SAMD4B: variants seen among roughly 807,000 people sequenced by gnomAD.
SAMD4B encodes the protein sterile alpha motif domain containing 4B.
SAMD4B carries 5 observed loss-of-function variants against 74.5 expected under a neutral mutation model. The ratio of observed to expected loss-of-function variants is 0.07; its 90% CI spans 0.04 to 0.14. The LOEUF (loss-of-function observed/expected upper bound fraction) is 0.14, where lower values mean the gene tolerates loss of function less well. SAMD4B is among the 10% of genes least tolerant of loss of function. The probability of loss-of-function intolerance (pLI) is 1.00; values close to 1 mark genes in which losing one functional copy is unlikely to be tolerated. For missense variants in SAMD4B, 608 were observed against 921.8 expected (o/e 0.66, Z 4.41); for synonymous variants, 373 against 374.9 (o/e 1.00, Z 0.06).
Position 39,383,430 on chromosome 19 carries a change from C to T in SAMD4B, c.2057-69C>T. On this transcript the variant is annotated intron_variant, in intron 13 of 13. Coordinates refer to ENST00000610417, the MANE Select transcript of SAMD4B (RefSeq NM_001384574.2). This position sits in a 1 kb window ranked among gnomAD's most constrained non-coding sequence, Gnocchi z 4.1. Reference sequence around the variant, plus strand: ...AGGGCCTGACTGGGATGACAGGCTACCTGAGTGCCTTTTCTTGGGCCTCCC... The same window carrying T: ...AGGGCCTGACTGGGATGACAGGCTATCTGAGTGCCTTTTCTTGGGCCTCCC... 3 of 1,584,850 alleles carry T rather than the reference C, an allele frequency of 1.9e-6. No homozygotes were observed. The South Asian group carries it at 3.3e-5, about 18-fold the overall frequency.
At chr19:39,368,074 C>T (rs1023030440) in intron 3 of SAMD4B, among the ~76,000 whole-genome samples, 1 of 151,736 alleles carries the variant, frequency 6.6e-6, no homozygotes, top group Middle Eastern at 3.2e-3. Flanking sequence ...ATAAGCTGGG[C>T]GTGGTGGTGG....
intron 3 of SAMD4B, among the ~76,000 whole-genome samples, chr19:39,365,748 A>G (rs2076924994): frequency 6.6e-6 from 1 of 152,260 alleles, no homozygotes; most frequent in Non-Finnish European, 1.5e-5. Context: ...CACATAGTAA[A>G]TGCTCAATAA....
rs567715573 is a variant in SAMD4B, at chr19:39,357,381, CT to C, written c.196+293del. On this transcript the variant is annotated intron_variant, in intron 3 of 13. Coordinates refer to ENST00000610417, the MANE Select transcript of SAMD4B (RefSeq NM_001384574.2). Reference sequence around the variant, plus strand: ...TATGTGGGCTGCTGAAAGGAACAGACTAAAGTCATTATGAAAGGCGTATAGA... The same window carrying C: ...TATGTGGGCTGCTGAAAGGAACAGACAAAGTCATTATGAAAGGCGTATAGA... Among the ~76,000 whole-genome samples, 6 of 152,238 alleles carry C rather than the reference CT, an allele frequency of 3.9e-5. No homozygotes were observed. The East Asian group carries it at 1.2e-3, about 29-fold the overall frequency.
At chr19:39,386,578 A>C (rs778288539), downstream of SAMD4B, 1 of 1,613,938 alleles carries the variant, frequency 6.2e-7, no homozygotes, top group South Asian at 1.1e-5. This position sits in a 1 kb window ranked among gnomAD's most constrained non-coding sequence, Gnocchi z 6.1. Context: ...GCCTCCTGGA[A>C]GCAGCAAGAT....
intron 4 of SAMD4B, among the ~76,000 whole-genome samples, chr19:39,374,579 C>T (rs1388706271): frequency 2.6e-5 from 4 of 152,196 alleles, no homozygotes; most frequent in African/African-American, 7.2e-5. Context: ...CAGTGGCTCA[C>T]GCCTGTAATC....
chr19:39,366,044 C>T lies in SAMD4B; in HGVS notation c.197-3611C>T, dbSNP rs914235625. Among the ~76,000 whole-genome samples the T allele has an allele frequency of 3.3e-5, 5 of 152,160 alleles. No homozygotes were observed. In the South Asian group the frequency reaches 6.2e-4, roughly 19 times the overall value. On this transcript the variant is annotated intron_variant, in intron 3 of 13. Transcript: ENST00000610417. ...AGTGAAAAAAGTAACAGGCAGGACA[C>T]GGTGGCTAACGCCTATAATCCCAGC...
rs58004162 is a variant in SAMD4B at position 39,345,424 on chromosome 19, C to A, written c.-267+2848C>A. 2.6e-3 allele frequency among the ~76,000 whole-genome samples: 394 copies of A among 152,276 alleles called. 2 individuals carry two copies. Among genetic ancestry groups the A allele is most frequent in the African/African-American group, 9.1e-3 (377 of 41,562 alleles). On this transcript the variant is annotated intron_variant, in intron 1 of 13. Transcript: ENST00000610417. ...CTCAGTGCTTTCTCTTTCTGGCTAC[C>A]CCTCCAGCCCACTACCAGCCTTTGG...
At chr19:39,368,841 C>T (rs1187219833) in intron 3 of SAMD4B, among the ~76,000 whole-genome samples, 1 of 152,142 alleles carries the variant, frequency 6.6e-6, no homozygotes, top group African/African-American at 2.4e-5. Flanking sequence ...ATTTAGTGCT[C>T]CATGAGGTTC....
At chr19:39,353,182 G>A (rs529592118) in intron 1 of SAMD4B, among the ~76,000 whole-genome samples, 7 of 152,300 alleles carry the variant, frequency 4.6e-5, no homozygotes, top group Admixed American at 1.3e-4. Context: ...TTTTAGGCGC[G>A]TGAGCTACCA....
Position 39,347,926 on chromosome 19 carries a change from T to TG in SAMD4B, c.-267+5356dup, listed in dbSNP as rs372104918. ...GAAATTCATGGAATTTATATTCTGA[T>TG]GGGGGGAGGAAACAAAAAAATCAGA... On this transcript the variant is annotated intron_variant, in intron 1 of 13. Coordinates refer to ENST00000610417, the MANE Select transcript of SAMD4B (RefSeq NM_001384574.2). Among the ~76,000 whole-genome samples the TG allele has an allele frequency of 9.5e-3, 1,448 of 152,086 alleles. 24 individuals carry two copies. The highest frequency in any genetic ancestry group is 0.032 in the African/African-American group (1,341 of 41,476).
At chr19:39,380,807 G>A (rs769106049) in intron 11 of SAMD4B, 22 bp downstream of exon 11, 7 of 1,519,720 alleles carry the variant, frequency 4.6e-6, no homozygotes, top group Admixed American at 2.2e-5. Flanking sequence ...GGAAGCAGGG[G>A]CCTGGCCTCC....
chr19:39,377,699 A>G lies in SAMD4B; in HGVS notation c.1319A>G (p.Asp440Gly). The change falls in exon 8 of 14, where the codon GAC (aspartate) becomes GGC (glycine). Residue 440 changes from aspartate to glycine, a missense_variant. Asp to Gly is a moderately conservative substitution (Grantham distance 94, BLOSUM62 -1). This residue lies in a region of SAMD4B where 99 missense variants were observed against 112.1 expected (regional missense o/e 0.88). Coordinates refer to ENST00000610417, the MANE Select transcript of SAMD4B (RefSeq NM_001384574.2). The part of the protein sequence containing the change: ...PGTDKGTEAK[D>G]PPAVENYPPP... ...ACAGACAAAGGCACCGAGGCCAAGGACCCTCCAGCTGTGGAGAACTACCCA... is the reference window on the plus strand; with the variant it reads ...ACAGACAAAGGCACCGAGGCCAAGGGCCCTCCAGCTGTGGAGAACTACCCA... The G allele has an allele frequency of 6.2e-7, 1 of 1,614,070 alleles. No homozygotes were observed. Among genetic ancestry groups the G allele is most frequent in the South Asian group, 1.1e-5 (1 of 91,082 alleles).
At chr19:39,376,937 C>A in intron 7 of SAMD4B, 146 bp downstream of exon 7, 1 of 638,962 alleles carries the variant, frequency 1.6e-6, no homozygotes. Flanking sequence ...GGACCACATG[C>A]AAGCCGGCAT....
Position 39,378,420 on chromosome 19 carries a change from C to A in SAMD4B, c.1445-84C>A. ...ATCCAGCCTGAGTCTCCTGTTCCTT[C>A]TTGTGCACGAGCCAGCTGGAGGCTG... On this transcript the variant is annotated intron_variant, in intron 8 of 13. Coordinates refer to ENST00000610417, the MANE Select transcript of SAMD4B (RefSeq NM_001384574.2). The surrounding 1 kb of genome is among the most constrained non-coding windows in gnomAD (Gnocchi z 4.4). 1 of 1,223,122 alleles carries A rather than the reference C, an allele frequency of 8.2e-7. No individual in the cohort carries two copies. 75.8% of individuals were successfully genotyped at this position (1,223,122 alleles called of 1,614,324 possible).
At chr19:39,354,170 A>T (rs1192446624) in intron 2 of SAMD4B, 104 bp downstream of exon 2, 1 of 152,266 alleles carries the variant, frequency 6.6e-6, no homozygotes, top group African/African-American at 2.4e-5. Context: ...TGGCTTGGGC[A>T]GGACTAGAAC....
In SAMD4B at chr19:39,383,999, A is replaced by G. The variant is rs2078159568; in HGVS notation, c.*472A>G. On this transcript the variant is annotated 3_prime_UTR_variant, in exon 14 of 14. Coordinates refer to ENST00000610417, the MANE Select transcript of SAMD4B (RefSeq NM_001384574.2). This position sits in a 1 kb window ranked among gnomAD's most constrained non-coding sequence, Gnocchi z 4.1. ...AGAATGTTATTGAGAGGAGCTGGGG[A>G]GAAGGAAGGGGAGCAAGGAGAGGAA... 1 of 430,846 alleles carries G rather than the reference A, an allele frequency of 2.3e-6. No individual in the cohort carries two copies. Among genetic ancestry groups the G allele is most frequent in the South Asian group, 5.9e-5 (1 of 16,930 alleles). The allele number at this position is 430,846 out of a possible 1,614,324, so 26.7% of individuals were successfully genotyped here.
rs200794446 is a variant in SAMD4B, at chr19:39,377,631, A to G, written c.1251A>G (p.Glu417=). ...TPTAKDGAPG[E]PPLPGAEPPL... ...CTGCCAAGGATGGGGCCCCGGGGGA[A>G]CCACCGCTGCCAGGTGCTGAGCCTC... Residue 417 remains glutamate, a synonymous_variant, in exon 8 of 14, where the codon GAA becomes GAG. Transcript: ENST00000610417. The G allele has an allele frequency of 2.0e-5, 32 of 1,613,950 alleles. No individual in the cohort carries two copies. Among genetic ancestry groups the G allele is most frequent in the Non-Finnish European group, 2.6e-5 (31 of 1,179,982 alleles).
chr19:39,370,504 G>A lies in SAMD4B; in HGVS notation c.667+379G>A, dbSNP rs2077226445. Among the ~76,000 whole-genome samples the A allele has an allele frequency of 5.3e-5, 8 of 152,258 alleles. No homozygotes were observed. In the South Asian group the frequency reaches 1.7e-3, roughly 32 times the overall value. On this transcript the variant is annotated intron_variant, in intron 4 of 13. Transcript: ENST00000610417. Reference sequence around the variant, plus strand: ...TAATATAGAGCTTAATGTTGAGCATGCCCTTTAGACCCTGCACAAGTGCCC... The same window carrying A: ...TAATATAGAGCTTAATGTTGAGCATACCCTTTAGACCCTGCACAAGTGCCC...
chr19:39,344,733 C>CT (rs1260194477), intron 1 of SAMD4B, among the ~76,000 whole-genome samples: 1 of 152,184 alleles, frequency 6.6e-6, no homozygotes, highest in Non-Finnish European at 1.5e-5. Context: ...CCAAGAGCCT[C>CT]TATGTTTCCT....
Sources: allele counts gnomAD v4.1 joint callset (sites outside exome capture counted in the v4.1 genomes callset), GRCh38; gene constraint gnomAD v4.1.1; regional missense constraint gnomAD v4.1.1; non-coding constraint Gnocchi (gnomAD v3.1); transcripts MANE v1.5; gene names NCBI Gene and HGNC (gene_info 2026-07-23, HGNC 2026-07-21).